ALDH1A1: variants seen among roughly 807,000 people sequenced by gnomAD.
ALDH1A1 encodes aldehyde dehydrogenase 1 family member A1.
Under a neutral mutation model 62.1 loss-of-function variants are expected in ALDH1A1, and 19 were observed. That is an observed-to-expected ratio of 0.31 (90% CI 0.21 to 0.45). The LOEUF is 0.45. ALDH1A1 is among the 20% of genes least tolerant of loss of function. The probability of loss-of-function intolerance (pLI) is 1.00; values close to 1 mark genes in which losing one functional copy is unlikely to be tolerated. For synonymous variants in ALDH1A1, 231 were observed against 215.9 expected (o/e 1.07, Z -0.61); for missense variants, 521 against 607.1 (o/e 0.86, Z 1.49).
chr9:72,931,099 G>A (rs781313615), intron 2 of ALDH1A1, 80 bp from the exon 3 acceptor site: 8 of 1,523,692 alleles, frequency 5.3e-6, no homozygotes, highest in Non-Finnish European at 7.2e-6. Flanking sequence ...CTGTAAAATA[G>A]ACTGTAGTGC....
chr9:72,948,658 AT>A (rs1830502072), intron 1 of ALDH1A1, among the ~76,000 whole-genome samples: 1 of 151,804 alleles, frequency 6.6e-6, no homozygotes, highest in East Asian at 1.9e-4. Context: ...GCTTTCAGTT[AT>A]TTTGCTTTAA....
At chr9:72,910,676 GA>G (rs1340198282) in intron 10 of ALDH1A1, among the ~76,000 whole-genome samples, 1 of 152,010 alleles carries the variant, frequency 6.6e-6, no homozygotes, top group Non-Finnish European at 1.5e-5. Flanking sequence ...AAAGATTCCT[GA>G]AATTACCAGA....
intron 1 of ALDH1A1, among the ~76,000 whole-genome samples, chr9:72,945,154 A>G (rs1454880810): frequency 6.6e-6 from 1 of 152,114 alleles, no homozygotes; most frequent in African/African-American, 2.4e-5. Context: ...CTAAATAAAT[A>G]AGCATAATTT....
intron 9 of ALDH1A1, 66 bp from the exon 10 acceptor site, chr9:72,912,188 C>G (rs1830000797): frequency 7.0e-7 from 1 of 1,421,466 alleles, no homozygotes; most frequent in African/African-American, 1.4e-5. Flanking sequence ...CATTGCTGGG[C>G]CTGTTAACAA....
At chr9:72,935,973 T>A (rs1393101545) in intron 2 of ALDH1A1, among the ~76,000 whole-genome samples, 1 of 152,190 alleles carries the variant, frequency 6.6e-6, no homozygotes, top group African/African-American at 2.4e-5. Flanking sequence ...TTTAAAATAA[T>A]TCAAAAAAGA....
At chr9:72,906,885 G>A (rs1829884054) in intron 11 of ALDH1A1, among the ~76,000 whole-genome samples, 2 of 152,112 alleles carry the variant, frequency 1.3e-5, no homozygotes, top group Admixed American at 6.6e-5. Context: ...TCCAGAGCCT[G>A]GGTTAGTAGC....
rs1321683735 is a variant in ALDH1A1 at position 72,945,733 on chromosome 9, TCTCTGGCAACTGCTTTGCACCC to T, written c.67-5503_67-5482del. Reference sequence around the variant, plus strand: ...AACATTTAAAAGAATCAAAGCTGGATCTCTGGCAACTGCTTTGCACCCTAACCCTGAGGCAGGAAAGCAAAAT... The same window carrying T: ...AACATTTAAAAGAATCAAAGCTGGATTAACCCTGAGGCAGGAAAGCAAAAT... On this transcript the variant is annotated intron_variant, in intron 1 of 12. Coordinates refer to ENST00000297785, the MANE Select transcript of ALDH1A1 (RefSeq NM_000689.5). Among the ~76,000 whole-genome samples the T allele has an allele frequency of 2.6e-5, 4 of 151,806 alleles. No individual in the cohort carries two copies. The South Asian group carries it at 8.3e-4, about 32-fold the overall frequency.
At chr9:72,905,475 T>C (rs894638433) in intron 12 of ALDH1A1, among the ~76,000 whole-genome samples, 1 of 152,136 alleles carries the variant, frequency 6.6e-6, no homozygotes. Context: ...TGTTAAAGTC[T>C]ACATCAATAA....
intron 1 of ALDH1A1, among the ~76,000 whole-genome samples, chr9:72,942,854 C>A (rs1435140581): frequency 6.6e-6 from 1 of 152,064 alleles, no homozygotes; most frequent in Admixed American, 6.6e-5. Flanking sequence ...ACTAGTTGCT[C>A]CAATTGAATT....
intron 1 of ALDH1A1, among the ~76,000 whole-genome samples, chr9:72,946,206 G>C (rs549745692): frequency 6.6e-6 from 1 of 151,986 alleles, no homozygotes; most frequent in African/African-American, 2.4e-5. Flanking sequence ...AGAATTGCTC[G>C]CATGTAAGCC....
At chr9:72,918,974 A>G in intron 7 of ALDH1A1, 152 bp from the exon 8 acceptor site, 1 of 580,002 alleles carries the variant, frequency 1.7e-6, no homozygotes, top group Non-Finnish European at 3.0e-6. Flanking sequence ...GAAGTCTCAC[A>G]CTGTCGACTG....
At chr9:72,946,821 A>T (rs1274205708) in intron 1 of ALDH1A1, among the ~76,000 whole-genome samples, 1 of 151,918 alleles carries the variant, frequency 6.6e-6, no homozygotes, top group Non-Finnish European at 1.5e-5. Context: ...TTTCTGTGAG[A>T]TTTATTTTAT....
At chr9:72,913,583 T>C (rs1009925380) in intron 9 of ALDH1A1, among the ~76,000 whole-genome samples, 18 of 152,218 alleles carry the variant, frequency 1.2e-4, no homozygotes, top group African/African-American at 4.3e-4. Flanking sequence ...TTTCAAGATG[T>C]ATTTCCCAAG....
At chr9:72,923,206 T>C (rs8187941) in intron 7 of ALDH1A1, among the ~76,000 whole-genome samples, 5,426 of 152,280 alleles carry the variant, frequency 0.036, 308 homozygotes, top group African/African-American at 0.12. Flanking sequence ...CATGCCTTAG[T>C]ACCTTATCAC....
At chr9:72,949,047 T>C (rs745372970) in intron 1 of ALDH1A1, among the ~76,000 whole-genome samples, 12 of 151,698 alleles carry the variant, frequency 7.9e-5, no homozygotes, top group Non-Finnish European at 1.2e-4. Flanking sequence ...CCCAGAAGGG[T>C]TAAACAAAAC....
intron 3 of ALDH1A1, among the ~76,000 whole-genome samples, chr9:72,930,159 G>A (rs1050075833): frequency 2.0e-5 from 3 of 152,108 alleles, no homozygotes; most frequent in South Asian, 2.1e-4. Flanking sequence ...ATGTTAAATT[G>A]GCTTCATCAT....
intron 9 of ALDH1A1, among the ~76,000 whole-genome samples, chr9:72,916,422 A>G (rs1169189989): frequency 6.6e-6 from 1 of 152,148 alleles, no homozygotes; most frequent in East Asian, 1.9e-4. Context: ...CTGAAATACG[A>G]AGTTTGCCGC....
rs1829796956 is a variant in ALDH1A1, at chr9:72,901,079, A to C, written c.*129T>G. On this transcript the variant is annotated 3_prime_UTR_variant, in exon 13 of 13. Coordinates refer to ENST00000297785, the MANE Select transcript of ALDH1A1 (RefSeq NM_000689.5). ...CAAGTTTTCTATGGGTAGTATTAATACTAATATGATTTAGCTTATGTTTAA... is the reference window on the plus strand; with the variant it reads ...CAAGTTTTCTATGGGTAGTATTAATCCTAATATGATTTAGCTTATGTTTAA... The C allele has an allele frequency of 1.6e-6, 1 of 609,196 alleles. No individual in the cohort carries two copies. The highest frequency in any genetic ancestry group is 2.9e-5 in the Admixed American group (1 of 34,460). The allele number at this position is 609,196 out of a possible 1,614,324, so 37.7% of individuals were successfully genotyped here.
chr9:72,951,140 A>T (rs1191000724), intron 1 of ALDH1A1, among the ~76,000 whole-genome samples: 1 of 151,966 alleles, frequency 6.6e-6, no homozygotes, highest in Non-Finnish European at 1.5e-5. Context: ...AACACAGAGC[A>T]AAACGCCTGC....
Sources: gnomAD v4.1 joint callset for allele counts (sites outside exome capture counted in the v4.1 genomes callset) on GRCh38, gnomAD v4.1.1 for gene constraint, MANE v1.5 for transcripts, NCBI Gene and HGNC (gene_info 2026-07-23, HGNC 2026-07-21) for gene names.